Variants in SPART observed in about 807,000 individuals in gnomAD.
SPART encodes the protein spartin.
Under a neutral mutation model 58.7 loss-of-function variants are expected in SPART, and 35 were observed. The observed-to-expected ratio is 0.60, with a 90% CI of 0.46 to 0.79. The LOEUF is 0.79. Ranked by LOEUF, SPART falls within the 30% of genes least tolerant of loss-of-function variation. The pLI is 0.00. For synonymous variants in SPART, 284 were observed against 280.7 expected (o/e 1.01, Z -0.12); for missense variants, 730 against 786.1 (o/e 0.93, Z 0.85).
At chr13:36,367,275 T>A (rs1304564967) in intron 1 of SPART, among the ~76,000 whole-genome samples, 1 of 152,160 alleles carries the variant, frequency 6.6e-6, no homozygotes, top group East Asian at 1.9e-4. Context: ...TCCCCACATG[T>A]TCCTGGCAAC....
chr13:36,310,913 T>C (rs763156682), intron 8 of SPART, among the ~76,000 whole-genome samples: 6 of 151,988 alleles, frequency 3.9e-5, no homozygotes, highest in Non-Finnish European at 7.4e-5. Context: ...AGACTTCCTG[T>C]TGGCCCTCAT....
chr13:36,310,148 AAATT>A (rs1221492153), intron 8 of SPART, among the ~76,000 whole-genome samples: 1 of 152,210 alleles, frequency 6.6e-6, no homozygotes, highest in Admixed American at 6.5e-5. Context: ...ACAGTGTTGA[AAATT>A]AATTAATACG....
intron 5 of SPART, among the ~76,000 whole-genome samples, chr13:36,317,710 C>A (rs1292751606): frequency 6.6e-6 from 1 of 151,908 alleles, no homozygotes; most frequent in Admixed American, 6.6e-5. Context: ...GGCAACCTTC[C>A]ACCCTCCATT....
At chr13:36,331,873 C>T (rs976551299) in intron 2 of SPART, among the ~76,000 whole-genome samples, 2 of 152,074 alleles carry the variant, frequency 1.3e-5, no homozygotes, top group African/African-American at 2.4e-5. Context: ...CTAGTGTTAA[C>T]CAATAATGAC....
chr13:36,319,547 T>C (rs1366332581), intron 5 of SPART, among the ~76,000 whole-genome samples: 1 of 151,996 alleles, frequency 6.6e-6, no homozygotes, highest in Non-Finnish European at 1.5e-5. Context: ...TTACCTGTCC[T>C]GAAACCAGAC....
At chr13:36,308,421 G>C (rs1025220942) in intron 8 of SPART, 2 of 151,910 alleles carry the variant, frequency 1.3e-5, no homozygotes, top group African/African-American at 4.8e-5. Flanking sequence ...TCACTTACCT[G>C]GTTTTTATTT....
chr13:36,334,167 G>T (rs999233843), intron 2 of SPART, among the ~76,000 whole-genome samples: 1 of 152,124 alleles, frequency 6.6e-6, no homozygotes, highest in Non-Finnish European at 1.5e-5. Context: ...AACGTATACT[G>T]AGTCCTCATT....
At chr13:36,333,575 C>T (rs915917488) in intron 2 of SPART, among the ~76,000 whole-genome samples, 2 of 151,532 alleles carry the variant, frequency 1.3e-5, no homozygotes, top group Admixed American at 1.3e-4. Context: ...TTTTACTTTT[C>T]GTTTAGGACA....
chr13:36,333,973 T>C (rs1883715163), intron 2 of SPART, among the ~76,000 whole-genome samples: 1 of 152,154 alleles, frequency 6.6e-6, no homozygotes, highest in African/African-American at 2.4e-5. Context: ...GAATTGTCTT[T>C]AAACAACTTT....
Sources: gnomAD v4.1 joint callset for allele counts (sites outside exome capture counted in the v4.1 genomes callset) on GRCh38, gnomAD v4.1.1 for gene constraint, MANE v1.5 for transcripts, NCBI Gene and HGNC (gene_info 2026-07-23, HGNC 2026-07-21) for gene names.